Variants in FUT9 observed in about 807,000 individuals in gnomAD.
The protein encoded by FUT9 is fucosyltransferase 9.
FUT9 carries 15 observed loss-of-function variants against 29.7 expected under a neutral mutation model. That is an observed-to-expected ratio of 0.51 (90% CI 0.34 to 0.78). The LOEUF is 0.78. Ranked by LOEUF, FUT9 falls within the 30% of genes least tolerant of loss-of-function variation. The probability of loss-of-function intolerance (pLI) is 0.01; values close to 1 mark genes in which losing one functional copy is unlikely to be tolerated. For synonymous variants in FUT9, 169 were observed against 153.7 expected, an observed-to-expected ratio of 1.10 and a Z score of -0.74; for missense variants, 319 against 425.4, an observed-to-expected ratio of 0.75 and a Z score of 2.20.
chr6:96,155,182 A>G (rs1283880949), intron 2 of FUT9, among the ~76,000 whole-genome samples: 2 of 152,152 alleles, frequency 1.3e-5, no homozygotes, highest in African/African-American at 2.4e-5. Context: ...GCAATTTTAA[A>G]ATCTGATTCT....
intron 1 of FUT9, among the ~76,000 whole-genome samples, chr6:96,077,291 G>T (rs1402901988): frequency 6.6e-6 from 1 of 151,966 alleles, no homozygotes; most frequent in Non-Finnish European, 1.5e-5. Context: ...AGAAACTTTA[G>T]TCAGTTTATA....
intron 2 of FUT9, among the ~76,000 whole-genome samples, chr6:96,135,494 G>A (rs1772330247): frequency 6.6e-6 from 1 of 151,900 alleles, no homozygotes; most frequent in African/African-American, 2.4e-5. Flanking sequence ...AAACCAGTTG[G>A]CCAGCCAATT....
intron 1 of FUT9, among the ~76,000 whole-genome samples, chr6:96,023,421 T>C (rs999486912): frequency 6.6e-6 from 1 of 151,904 alleles, no homozygotes; most frequent in Admixed American, 6.6e-5. Context: ...ATCTGTATAG[T>C]GAAAGCTTTG....
intron 1 of FUT9, among the ~76,000 whole-genome samples, chr6:96,097,071 C>G (rs993290913): frequency 6.6e-6 from 1 of 152,130 alleles, no homozygotes; most frequent in Non-Finnish European, 1.5e-5. Context: ...CCAAAATTTA[C>G]CCAAGGGATC....
intron 2 of FUT9, among the ~76,000 whole-genome samples, chr6:96,150,702 C>T (rs571261030): frequency 1.6e-4 from 24 of 152,272 alleles, no homozygotes; most frequent in African/African-American, 5.8e-4. Flanking sequence ...CTAAAAATTG[C>T]CCTGTGTTCC....
At chr6:96,173,540 TCTCA>T (rs1428918401) in intron 2 of FUT9, among the ~76,000 whole-genome samples, 1 of 152,114 alleles carries the variant, frequency 6.6e-6, no homozygotes, top group Non-Finnish European at 1.5e-5. Flanking sequence ...TATGTTCTTT[TCTCA>T]CTCTCTCTAT....
intron 2 of FUT9, among the ~76,000 whole-genome samples, chr6:96,159,634 A>C (rs144495217): frequency 1.3e-5 from 2 of 152,254 alleles, no homozygotes; most frequent in Admixed American, 6.5e-5. Context: ...ATGGTGTTTC[A>C]AAGCCCCCTT....
rs1304421628 is a variant in FUT9 at position 96,129,285 on chromosome 6, AAAAAAAACAAACAAC to A, written c.-9+15159_-9+15173del. 2.9e-3 allele frequency among the ~76,000 whole-genome samples: 22 copies of A among 7,582 alleles called. 2 individuals carry two copies. The highest frequency in any genetic ancestry group is 0.016 in the Non-Finnish European group (13 of 808). 5.0% of individuals were successfully genotyped at this position (7,582 alleles called of 152,430 possible). Reference sequence around the variant, plus strand: ...GTCTCAAAAAAAAAAAAAAAAAAAAAAAAAAAACAAACAACCAGCCATGGTGGCATGTGCCTGTGG... The same window carrying A: ...GTCTCAAAAAAAAAAAAAAAAAAAAACAGCCATGGTGGCATGTGCCTGTGG... On this transcript the variant is annotated intron_variant, in intron 2 of 2. Coordinates refer to ENST00000302103, the MANE Select transcript of FUT9 (RefSeq NM_006581.4).
intron 2 of FUT9, among the ~76,000 whole-genome samples, chr6:96,201,268 T>C (rs531166225): frequency 6.6e-6 from 1 of 152,102 alleles, no homozygotes; most frequent in East Asian, 1.9e-4. Context: ...TACAACTATT[T>C]AGTCATATTT....
intron 1 of FUT9, among the ~76,000 whole-genome samples, chr6:96,056,142 C>A (rs1770763073): frequency 6.6e-6 from 1 of 152,164 alleles, no homozygotes; most frequent in Non-Finnish European, 1.5e-5. Flanking sequence ...TATATATTCT[C>A]TTTTTCTGCA....
At position 96,182,407 on chromosome 6, in the gene FUT9, C is replaced by T. The variant is rs111674150; in HGVS notation, c.-8-20741C>T. Among the ~76,000 whole-genome samples, 287 of 152,028 alleles carry T rather than the reference C, an allele frequency of 1.9e-3. 2 individuals are homozygous for T. The highest frequency in any genetic ancestry group is 6.6e-3 in the African/African-American group (274 of 41,530). On this transcript the variant is annotated intron_variant, in intron 2 of 2. Coordinates refer to ENST00000302103, the MANE Select transcript of FUT9 (RefSeq NM_006581.4). ...TCTGCTGACTATTCCTTTTCCCATG[C>T]AAAAGGTCTTTAATTTAATTAAGTC...
intron 1 of FUT9, among the ~76,000 whole-genome samples, chr6:96,111,430 C>G (rs1266878621): frequency 6.6e-6 from 1 of 151,886 alleles, no homozygotes; most frequent in African/African-American, 2.4e-5. Flanking sequence ...ATAATAAAAA[C>G]TAAGTTCAAA....
intron 2 of FUT9, among the ~76,000 whole-genome samples, chr6:96,161,369 C>A (rs1582276377): frequency 6.6e-6 from 1 of 152,146 alleles, no homozygotes; most frequent in African/African-American, 2.4e-5. Flanking sequence ...GACACCAAAT[C>A]TGCCAGCACC....
At chr6:96,154,097 A>G (rs1772731131) in intron 2 of FUT9, among the ~76,000 whole-genome samples, 2 of 152,196 alleles carry the variant, frequency 1.3e-5, no homozygotes, top group Non-Finnish European at 2.9e-5. Context: ...TGTTTGACAC[A>G]ACATTTGCTT....
chr6:96,104,262 A>C (rs186795662), intron 1 of FUT9, among the ~76,000 whole-genome samples: 53 of 152,336 alleles, frequency 3.5e-4, no homozygotes, highest in Non-Finnish European at 6.5e-4. Context: ...AATGAAAAGG[A>C]TACTTAAGCA....
chr6:96,182,635 C>A (rs1773329663), intron 2 of FUT9, among the ~76,000 whole-genome samples: 1 of 152,002 alleles, frequency 6.6e-6, no homozygotes, highest in Admixed American at 6.6e-5. Context: ...AGATGAGGAT[C>A]CAGTTTCATT....
At chr6:96,109,801 C>A (rs1384451502) in intron 1 of FUT9, among the ~76,000 whole-genome samples, 1 of 152,044 alleles carries the variant, frequency 6.6e-6, no homozygotes, top group African/African-American at 2.4e-5. Context: ...AAGCCAAAAC[C>A]TTCTCGTATC....
Position 96,214,317 on chromosome 6 carries a change from C to A in FUT9, c.*10082C>A, listed in dbSNP as rs529418387. 1 of 166,930 alleles carries A rather than the reference C, an allele frequency of 6.0e-6. No individual in the cohort carries two copies. The highest frequency in any genetic ancestry group is 1.9e-4 in the East Asian group (1 of 5,188). 10.3% of individuals were successfully genotyped at this position (166,930 alleles called of 1,614,324 possible). On this transcript the variant is annotated 3_prime_UTR_variant, in exon 3 of 3. Transcript: ENST00000302103. ...GAATGGTATATCTTTTTATACACTG[C>A]CTAAATCAGTACTACTGCCAGTCAC...
intron 1 of FUT9, among the ~76,000 whole-genome samples, chr6:96,068,683 T>C (rs1260455864): frequency 1.3e-5 from 2 of 152,184 alleles, no homozygotes; most frequent in African/African-American, 4.8e-5. Flanking sequence ...GCTAAGCTGT[T>C]ACTAGAGAAA....
Sources: gnomAD v4.1 joint callset for allele counts (sites outside exome capture counted in the v4.1 genomes callset) on GRCh38, gnomAD v4.1.1 for gene constraint, MANE v1.5 for transcripts, NCBI Gene and HGNC (gene_info 2026-07-23, HGNC 2026-07-21) for gene names.